GRIK1: variants seen among roughly 807,000 people sequenced by gnomAD.
GRIK1 encodes the protein glutamate receptor ionotropic, kainate 1.
GRIK1 carries 69 observed loss-of-function variants against 105.7 expected under a neutral mutation model. That is an observed-to-expected ratio of 0.65 (90% confidence interval 0.54 to 0.80). The LOEUF (loss-of-function observed/expected upper bound fraction) is 0.80. GRIK1 is among the 30% of genes least tolerant of loss of function. The pLI is 0.00. For missense variants in GRIK1, 1,109 were observed against 1,167.3 expected (o/e 0.95, Z 0.73); for synonymous variants, 438 against 431.3 (o/e 1.02, Z -0.19).
chr21:29,676,448 T>A (rs972143911), intron 3 of GRIK1, among the ~76,000 whole-genome samples: 1 of 152,242 alleles, frequency 6.6e-6, no homozygotes, highest in Non-Finnish European at 1.5e-5. Context: ...CTTTCCCTTA[T>A]ATTTGCATTT....
chr21:29,692,766 G>C (rs9978487), intron 2 of GRIK1, among the ~76,000 whole-genome samples: 1 of 151,882 alleles, frequency 6.6e-6, no homozygotes, highest in Non-Finnish European at 1.5e-5. Flanking sequence ...GTAGAGACAG[G>C]GTTTCACCAT....
chr21:29,913,300 T>TACCTGTCTTGA (rs997615637), intron 1 of GRIK1, among the ~76,000 whole-genome samples: 2 of 152,078 alleles, frequency 1.3e-5, no homozygotes, highest in Non-Finnish European at 2.9e-5. Context: ...TGATGTACTA[T>TACCTGTCTTGA]TGTGAAATAA....
At position 29,560,343 on chromosome 21, in the gene GRIK1, CTT is replaced by C. The variant is rs1568813068; in HGVS notation, c.2356+1279_2356+1280del. Among the ~76,000 whole-genome samples the C allele has an allele frequency of 1.3e-4, 14 of 109,352 alleles. 1 individual carries two copies. Among genetic ancestry groups the C allele is most frequent in the African/African-American group, 5.1e-4 (13 of 25,600 alleles). The allele number at this position is 109,352 out of a possible 152,430, so 71.7% of individuals were successfully genotyped here. A position where few individuals can be genotyped will look rare whatever the true frequency, so the allele number is the denominator to read the frequency against. The stretch of plus-strand genomic sequence containing the variant: ...TCTTTCTTTCTTTCTTTCTTTCTTT[CTT>C]TCTTTCTTTCTTTTTCTTTCTTCCT... On this transcript the variant is annotated intron_variant, in intron 15 of 17. Transcript: ENST00000327783.
chr21:29,573,627 A>G (rs1470888342), intron 14 of GRIK1, among the ~76,000 whole-genome samples: 1 of 152,134 alleles, frequency 6.6e-6, no homozygotes, highest in Non-Finnish European at 1.5e-5. Flanking sequence ...AGACAGGTGG[A>G]TCACTTGAGG....
chr21:29,888,254 T>A (rs796710877), intron 1 of GRIK1, among the ~76,000 whole-genome samples: 5 of 136,420 alleles, frequency 3.7e-5, no homozygotes, highest in African/African-American at 1.4e-4. Flanking sequence ...TCCTTCTTTC[T>A]TTCCTTCCTT....
chr21:29,640,297 C>A (rs977172623), intron 7 of GRIK1, among the ~76,000 whole-genome samples: 1 of 152,104 alleles, frequency 6.6e-6, no homozygotes. Flanking sequence ...TTCTCTTTTG[C>A]ATGTTTTAGG....
intron 15 of GRIK1, among the ~76,000 whole-genome samples, chr21:29,556,126 T>C (rs1392105307): frequency 1.3e-5 from 2 of 152,202 alleles, no homozygotes; most frequent in African/African-American, 2.4e-5. Context: ...TTTTGACGTA[T>C]AGAACCTAAT....
chr21:29,645,069 A>G (rs1438191716), intron 6 of GRIK1, among the ~76,000 whole-genome samples: 2 of 152,220 alleles, frequency 1.3e-5, no homozygotes, highest in East Asian at 1.9e-4. Context: ...AATAGTCACA[A>G]TAATAGTTCA....
chr21:29,768,627 C>T (rs1388967693), intron 1 of GRIK1, among the ~76,000 whole-genome samples: 1 of 152,182 alleles, frequency 6.6e-6, no homozygotes, highest in East Asian at 1.9e-4. Context: ...CTCTGGGTTG[C>T]ATGGGCATAT....
intron 1 of GRIK1, among the ~76,000 whole-genome samples, chr21:29,775,282 A>AAT (rs1295379341): frequency 6.6e-6 from 1 of 151,788 alleles, no homozygotes; most frequent in African/African-American, 2.4e-5. Flanking sequence ...TCTCAAAAAA[A>AAT]AAAAAAAAAA....
chr21:29,843,137 C>A (rs981838741), intron 1 of GRIK1, among the ~76,000 whole-genome samples: 1 of 152,092 alleles, frequency 6.6e-6, no homozygotes, highest in African/African-American at 2.4e-5. Context: ...AGGTTCTTGT[C>A]AGTAGGCTCA....
At chr21:29,672,160 C>T (rs1028341593) in intron 4 of GRIK1, among the ~76,000 whole-genome samples, 3 of 150,252 alleles carry the variant, frequency 2.0e-5, no homozygotes, top group Admixed American at 1.3e-4. Flanking sequence ...TGGGTTCAAG[C>T]GATTCTCCTG....
At chr21:29,564,208 C>T (rs905129728) in intron 14 of GRIK1, among the ~76,000 whole-genome samples, 2 of 151,918 alleles carry the variant, frequency 1.3e-5, no homozygotes, top group Non-Finnish European at 2.9e-5. Flanking sequence ...AGTGCAGTGG[C>T]GCAATCTCGG....
intron 4 of GRIK1, among the ~76,000 whole-genome samples, chr21:29,671,011 G>C (rs1320341891): frequency 6.6e-6 from 1 of 152,214 alleles, no homozygotes; most frequent in African/African-American, 2.4e-5. Context: ...GAAAGCACTG[G>C]ATGTATGACT....
intron 1 of GRIK1, among the ~76,000 whole-genome samples, chr21:29,833,141 C>G (rs942605933): frequency 2.6e-5 from 4 of 152,204 alleles, no homozygotes; most frequent in Non-Finnish European, 5.9e-5. Flanking sequence ...TGCTTTACTT[C>G]CTGATAAGTT....
At chr21:29,716,834 A>T (rs1008332791) in intron 1 of GRIK1, among the ~76,000 whole-genome samples, 1 of 152,248 alleles carries the variant, frequency 6.6e-6, no homozygotes, top group Non-Finnish European at 1.5e-5. Context: ...GAGGAGCTGA[A>T]TGTTAATCAC....
At chr21:29,843,182 G>C (rs1488038330) in intron 1 of GRIK1, among the ~76,000 whole-genome samples, 1 of 152,112 alleles carries the variant, frequency 6.6e-6, no homozygotes, top group Non-Finnish European at 1.5e-5. Context: ...AAACTTGTTG[G>C]ATTGGTGAAT....
At chr21:29,578,627 G>A (rs749465285) in intron 13 of GRIK1, among the ~76,000 whole-genome samples, 5 of 152,144 alleles carry the variant, frequency 3.3e-5, no homozygotes, top group Admixed American at 2.0e-4. Flanking sequence ...TCCTTCTGTC[G>A]TTTGTTTGAA....
chr21:29,910,892 A>G (rs1747094562), intron 1 of GRIK1, among the ~76,000 whole-genome samples: 1 of 152,010 alleles, frequency 6.6e-6, no homozygotes, highest in Non-Finnish European at 1.5e-5. Context: ...TTTTTTTACA[A>G]GACTGACTTC....
Sources: gnomAD v4.1 joint callset for allele counts (sites outside exome capture counted in the v4.1 genomes callset) on GRCh38, gnomAD v4.1.1 for gene constraint, MANE v1.5 for transcripts, NCBI Gene and HGNC (gene_info 2026-07-23, HGNC 2026-07-21) for gene names.